LRRTM4: variants seen among roughly 807,000 people sequenced by gnomAD.
LRRTM4 encodes the protein leucine-rich repeat transmembrane neuronal protein 4.
A neutral mutation model predicts 47.6 loss-of-function variants in LRRTM4; 25 were observed. The observed-to-expected ratio is 0.53, with a 90% CI of 0.38 to 0.73. The LOEUF is 0.73. LRRTM4 is among the 30% of genes least tolerant of loss of function. The probability of loss-of-function intolerance (pLI) is 0.00; values close to 1 mark genes in which losing one functional copy is unlikely to be tolerated. For synonymous variants in LRRTM4, 311 were observed against 269.5 expected (o/e 1.15, Z -1.51); for missense variants, 638 against 713.4 (o/e 0.89, Z 1.20).
At chr2:77,062,166 A>C (rs1195870590) in intron 3 of LRRTM4, among the ~76,000 whole-genome samples, 5 of 152,156 alleles carry the variant, frequency 3.3e-5, no homozygotes, top group African/African-American at 1.2e-4. Flanking sequence ...GGCAGGCATA[A>C]CTTTCTGCAT....
intron 3 of LRRTM4, among the ~76,000 whole-genome samples, chr2:76,880,153 G>C (rs954436699): frequency 1.3e-5 from 2 of 152,150 alleles, no homozygotes; most frequent in African/African-American, 4.8e-5. Flanking sequence ...GGTTTGAGAG[G>C]GTTGACCCCA....
At position 77,168,982 on chromosome 2, in the gene LRRTM4, T is replaced by G. The variant is rs541680159; in HGVS notation, c.1551+349336A>C. On this transcript the variant is annotated intron_variant, in intron 3 of 3. Transcript: ENST00000409884. ...AACATAATGAAGGACAAAAACCATATAATCATTTTAACATATCCAGAAAAG... is the reference window on the plus strand; with the variant it reads ...AACATAATGAAGGACAAAAACCATAGAATCATTTTAACATATCCAGAAAAG... 1.3e-4 allele frequency among the ~76,000 whole-genome samples: 20 copies of G among 152,280 alleles called. No individual in the cohort carries two copies. In the South Asian group the frequency reaches 3.3e-3, roughly 25 times the overall value.
At chr2:77,147,567 A>G (rs146010495) in intron 3 of LRRTM4, among the ~76,000 whole-genome samples, 33 of 152,266 alleles carry the variant, frequency 2.2e-4, no homozygotes, top group Middle Eastern at 3.4e-3. Context: ...TTTCTCTTCT[A>G]TACTTCCCCA....
intron 3 of LRRTM4, among the ~76,000 whole-genome samples, chr2:76,988,595 C>G (rs998573471): frequency 4.6e-5 from 7 of 151,760 alleles, no homozygotes; most frequent in African/African-American, 1.7e-4. Flanking sequence ...ACAATAAAAC[C>G]TTTTAAAAGC....
intron 3 of LRRTM4, among the ~76,000 whole-genome samples, chr2:77,323,638 T>C (rs540312882): frequency 1.2e-4 from 18 of 152,264 alleles, no homozygotes; most frequent in Non-Finnish European, 1.8e-4. Context: ...ATTACCTCCA[T>C]TTCATAGCTA....
chr2:76,783,059 A>AG (rs143047713), intron 3 of LRRTM4, among the ~76,000 whole-genome samples: 1,631 of 152,294 alleles, frequency 0.011, 28 homozygotes, highest in African/African-American at 0.037. Flanking sequence ...ACACATGCTT[A>AG]GGTGCAGGAA....
intron 3 of LRRTM4, among the ~76,000 whole-genome samples, chr2:77,447,479 C>T (rs1456383895): frequency 1.3e-5 from 2 of 152,116 alleles, no homozygotes; most frequent in African/African-American, 2.4e-5. Context: ...TATCTCAATT[C>T]ACCATGTGTT....
chr2:77,009,925 C>T (rs957482902), intron 3 of LRRTM4: 28 of 151,690 alleles, frequency 1.8e-4, no homozygotes, highest in African/African-American at 6.8e-4. Context: ...AGTGTACCGA[C>T]AGTCTTCCAT....
intron 3 of LRRTM4, among the ~76,000 whole-genome samples, chr2:76,917,758 C>T (rs1274663922): frequency 2.6e-5 from 4 of 152,132 alleles, no homozygotes; most frequent in Non-Finnish European, 4.4e-5. Flanking sequence ...TAACTTTCCT[C>T]CCCACTCTTT....
intron 3 of LRRTM4, among the ~76,000 whole-genome samples, chr2:77,440,078 G>A (rs1272911456): frequency 6.6e-6 from 1 of 152,168 alleles, no homozygotes; most frequent in African/African-American, 2.4e-5. Context: ...GAAAAGATGG[G>A]TGAAATTGAG....
chr2:76,983,902 G>A (rs546921363), intron 3 of LRRTM4, among the ~76,000 whole-genome samples: 6 of 152,128 alleles, frequency 3.9e-5, no homozygotes, highest in African/African-American at 1.4e-4. Context: ...AGAAAGTTGT[G>A]TTTCTAGATG....
intron 3 of LRRTM4, among the ~76,000 whole-genome samples, chr2:76,786,254 A>G (rs556937604): frequency 1.1e-4 from 17 of 152,234 alleles, no homozygotes; most frequent in African/African-American, 2.6e-4. Flanking sequence ...ACTTACAGCA[A>G]TATTTTCCAA....
chr2:76,977,371 T>C (rs959767972), intron 3 of LRRTM4, among the ~76,000 whole-genome samples: 5 of 151,814 alleles, frequency 3.3e-5, no homozygotes, highest in African/African-American at 1.2e-4. Flanking sequence ...CCCAAAAACT[T>C]ACCAACCTGT....
chr2:77,089,591 GTTTCTCTACTCTCTCT>G (rs1680860154), intron 3 of LRRTM4, among the ~76,000 whole-genome samples: 2 of 151,050 alleles, frequency 1.3e-5, no homozygotes, highest in Admixed American at 1.3e-4. Flanking sequence ...CCTTCCCTCT[GTTTCTCTACTCTCTCT>G]TTTCTCTAGG....
At chr2:77,007,295 C>T (rs1677692542) in intron 3 of LRRTM4, among the ~76,000 whole-genome samples, 2 of 152,016 alleles carry the variant, frequency 1.3e-5, no homozygotes, top group East Asian at 3.9e-4. Flanking sequence ...AGGAAGCAAT[C>T]ATCAAGGCTT....
At chr2:77,411,831 G>T (rs140437479) in intron 3 of LRRTM4, among the ~76,000 whole-genome samples, 77 of 151,730 alleles carry the variant, frequency 5.1e-4, no homozygotes, top group African/African-American at 1.7e-3. Context: ...TGTTCATTTA[G>T]ACAATTTAAA....
chr2:77,000,673 TTTTGG>T (rs1392862462), intron 3 of LRRTM4, among the ~76,000 whole-genome samples: 1 of 152,166 alleles, frequency 6.6e-6, no homozygotes, highest in Non-Finnish European at 1.5e-5. Flanking sequence ...GAGATTCATG[TTTTGG>T]TTTGTTCTGG....
chr2:76,977,772 C>T (rs1676467570), intron 3 of LRRTM4, among the ~76,000 whole-genome samples: 1 of 151,914 alleles, frequency 6.6e-6, no homozygotes, highest in African/African-American at 2.4e-5. Flanking sequence ...CATAAAGGAA[C>T]AATCTAAAGC....
chr2:76,788,134 G>A (rs571487643), intron 3 of LRRTM4, among the ~76,000 whole-genome samples: 1 of 152,258 alleles, frequency 6.6e-6, no homozygotes, highest in South Asian at 2.1e-4. Context: ...TTAAACTGAA[G>A]AAGGTCAGTC....
Sources: allele counts gnomAD v4.1 joint callset (sites outside exome capture counted in the v4.1 genomes callset), GRCh38; gene constraint gnomAD v4.1.1; transcripts MANE v1.5; gene names NCBI Gene and HGNC (gene_info 2026-07-23, HGNC 2026-07-21).